Variants in ROBO2 observed in about 807,000 individuals in gnomAD.
ROBO2 encodes roundabout guidance receptor 2.
ROBO2 carries 53 observed loss-of-function variants against 160.8 expected under a neutral mutation model. That is an observed-to-expected ratio of 0.33 (90% CI 0.26 to 0.41). The LOEUF is 0.41. Among genes scored for constraint, ROBO2 ranks in the 10% least tolerant of loss-of-function variants. ROBO2 has a pLI of 1.00. For missense variants in ROBO2, 1,577 were observed against 1,722.4 expected, an observed-to-expected ratio of 0.92 and a Z score of 1.49; for synonymous variants, 664 against 611.7, an observed-to-expected ratio of 1.09 and a Z score of -1.26.
chr3:76,974,567 C>T (rs1409604119), intron 2 of ROBO2, among the ~76,000 whole-genome samples: 3 of 152,148 alleles, frequency 2.0e-5, no homozygotes, highest in Non-Finnish European at 2.9e-5. Flanking sequence ...GTTCATGTTT[C>T]GCTAAGGCCT....
chr3:76,007,630 G>A (rs555190360), intron 2 of ROBO2, among the ~76,000 whole-genome samples: 1 of 152,136 alleles, frequency 6.6e-6, no homozygotes, highest in South Asian at 2.1e-4. Flanking sequence ...TCTGACATTA[G>A]GAGTATATTG....
intron 2 of ROBO2, among the ~76,000 whole-genome samples, chr3:76,142,957 A>AAAAT (rs964261120): frequency 6.6e-6 from 1 of 151,972 alleles, no homozygotes; most frequent in African/African-American, 2.4e-5. Flanking sequence ...AATAAAAATA[A>AAAAT]AAATAAATAG....
chr3:77,041,920 T>G (rs2064142732), intron 1 of ROBO2, among the ~76,000 whole-genome samples: 1 of 152,220 alleles, frequency 6.6e-6, no homozygotes, highest in Admixed American at 6.5e-5. Flanking sequence ...TGTTGCCACA[T>G]AAACTTTCCT....
chr3:77,465,697 T>G (rs187645757), intron 2 of ROBO2, among the ~76,000 whole-genome samples: 202 of 152,302 alleles, frequency 1.3e-3, no homozygotes, highest in African/African-American at 4.6e-3. Context: ...TACTTTTGGG[T>G]AAAACACACA....
chr3:76,667,796 G>T (rs1211178720), intron 2 of ROBO2, among the ~76,000 whole-genome samples: 2 of 146,118 alleles, frequency 1.4e-5, no homozygotes, highest in African/African-American at 2.5e-5. Flanking sequence ...TCTAATAAAA[G>T]ATAGAAAATG....
At chr3:76,127,475 T>C (rs1394808702) in intron 2 of ROBO2, among the ~76,000 whole-genome samples, 1 of 152,026 alleles carries the variant, frequency 6.6e-6, no homozygotes, top group Non-Finnish European at 1.5e-5. Flanking sequence ...TTTTCTAAAA[T>C]ATAAAATATT....
chr3:77,394,397 A>G (rs2075063357), intron 2 of ROBO2, among the ~76,000 whole-genome samples: 1 of 152,138 alleles, frequency 6.6e-6, no homozygotes, highest in African/African-American at 2.4e-5. Context: ...AGGATAATAA[A>G]GGGAAGAAAA....
chr3:76,136,354 GACAAAAA>G (rs1436287239), intron 2 of ROBO2, among the ~76,000 whole-genome samples: 37 of 151,938 alleles, frequency 2.4e-4, no homozygotes, highest in Non-Finnish European at 4.4e-5. Flanking sequence ...AGTTTTTATT[GACAAAAA>G]ATGACTTAAA....
chr3:76,211,642 A>G (rs759079825), intron 2 of ROBO2, among the ~76,000 whole-genome samples: 8 of 152,064 alleles, frequency 5.3e-5, no homozygotes, highest in Non-Finnish European at 7.4e-5. Flanking sequence ...TATCTACAGA[A>G]GCTGTGTGTC....
At chr3:77,273,647 G>A (rs2059642779) in intron 2 of ROBO2, among the ~76,000 whole-genome samples, 1 of 152,100 alleles carries the variant, frequency 6.6e-6, no homozygotes, top group Admixed American at 6.6e-5. Flanking sequence ...TAACTTGGAT[G>A]ACTTAAAAAC....
At chr3:77,401,638 G>A (rs1040707107) in intron 2 of ROBO2, among the ~76,000 whole-genome samples, 2 of 152,048 alleles carry the variant, frequency 1.3e-5, no homozygotes, top group African/African-American at 4.8e-5. Context: ...CTGTGAAATC[G>A]TTACAGTAGC....
chr3:76,032,874 A>G (rs1576564417), intron 2 of ROBO2, among the ~76,000 whole-genome samples: 1 of 152,208 alleles, frequency 6.6e-6, no homozygotes. Flanking sequence ...TCAAAAAGCA[A>G]TATTCATATC....
chr3:76,852,113 C>T (rs1577044626), intron 2 of ROBO2, among the ~76,000 whole-genome samples: 1 of 152,140 alleles, frequency 6.6e-6, no homozygotes, highest in Non-Finnish European at 1.5e-5. Flanking sequence ...TGATAATGAG[C>T]AAGGAACTCC....
chr3:75,927,430 T>C (rs1947332648), intron 1 of ROBO2, among the ~76,000 whole-genome samples: 1 of 152,216 alleles, frequency 6.6e-6, no homozygotes, highest in Non-Finnish European at 1.5e-5. Context: ...CCACTTAAGA[T>C]AATTAATCTT....
At position 76,418,427 on chromosome 3, in the gene ROBO2, G is replaced by A. The variant is rs141721434; in HGVS notation, c.109+480825G>A. On this transcript the variant is annotated intron_variant, in intron 2 of 26. Coordinates refer to the ROBO2 transcript ENST00000487694. ...AGCTAATTGTTGTATTTTTAGTAGA[G>A]ACAGGGTTTCACCATGTTGGCCAGG... Among the ~76,000 whole-genome samples, 470 of 150,198 alleles carry A rather than the reference G, an allele frequency of 3.1e-3. 2 individuals carry two copies. The highest frequency in any genetic ancestry group is 0.011 in the African/African-American group (450 of 41,406).
At chr3:76,163,925 C>G (rs1361376339) in intron 2 of ROBO2, among the ~76,000 whole-genome samples, 1 of 152,034 alleles carries the variant, frequency 6.6e-6, no homozygotes, top group Non-Finnish European at 1.5e-5. Context: ...TGGCATTTAC[C>G]ACATTAATTG....
At chr3:76,220,216 T>C (rs1179755049) in intron 2 of ROBO2, among the ~76,000 whole-genome samples, 2 of 150,328 alleles carry the variant, frequency 1.3e-5, no homozygotes, top group Non-Finnish European at 3.0e-5. Context: ...TTAGGAGATA[T>C]ACCTAATGCT....
intron 2 of ROBO2, among the ~76,000 whole-genome samples, chr3:76,346,748 C>T (rs1465578973): frequency 6.6e-6 from 1 of 152,082 alleles, no homozygotes; most frequent in Non-Finnish European, 1.5e-5. Flanking sequence ...ATTTTACATC[C>T]TTCTAAGGGA....
chr3:76,654,913 G>GTA (rs1553854263), intron 2 of ROBO2, among the ~76,000 whole-genome samples: 40 of 74,160 alleles, frequency 5.4e-4, no homozygotes, highest in East Asian at 1.7e-3. Context: ...ATATGTGTGT[G>GTA]TATATATATA....
Sources: gnomAD v4.1 joint callset for allele counts (sites outside exome capture counted in the v4.1 genomes callset) on GRCh38, gnomAD v4.1.1 for gene constraint, MANE v1.5 for transcripts, NCBI Gene and HGNC (gene_info 2026-07-23, HGNC 2026-07-21) for gene names.